L3MBTL4: variants seen among roughly 807,000 people sequenced by gnomAD.
L3MBTL4 encodes the protein lethal(3)malignant brain tumor-like protein 4.
A neutral mutation model predicts 84.5 loss-of-function variants in L3MBTL4; 70 were observed. The ratio of observed to expected loss-of-function variants is 0.83; its 90% CI spans 0.68 to 1.01. L3MBTL4 has a LOEUF of 1.01. Among genes scored for constraint, L3MBTL4 ranks in the 50% least tolerant of loss-of-function variants. The pLI, the probability that L3MBTL4 is intolerant of heterozygous loss-of-function variation, is 0.00. For synonymous variants in L3MBTL4, 274 were observed against 259.8 expected (o/e 1.05, Z -0.52); for missense variants, 715 against 754.8 (o/e 0.95, Z 0.62).
chr18:6,345,975 T>C (rs115004423), intron 1 of L3MBTL4, among the ~76,000 whole-genome samples: 29,719 of 151,458 alleles, frequency 0.2, 3,674 homozygotes, highest in African/African-American at 0.36. Flanking sequence ...AAAACAGATA[T>C]ATAGACCAAC....
chr18:6,367,834 C>A (rs944244744), intron 1 of L3MBTL4, among the ~76,000 whole-genome samples: 10 of 152,188 alleles, frequency 6.6e-5, no homozygotes, highest in Non-Finnish European at 4.4e-5. Context: ...GCTTTACTTA[C>A]AAGATACGGA....
chr18:6,135,436 T>C (rs1332768684), intron 14 of L3MBTL4, among the ~76,000 whole-genome samples: 1 of 152,196 alleles, frequency 6.6e-6, no homozygotes, highest in African/African-American at 2.4e-5. Flanking sequence ...GGCTGCAAAT[T>C]TTCTGAACTT....
intron 16 of L3MBTL4, among the ~76,000 whole-genome samples, chr18:5,996,417 G>A (rs1037026477): frequency 1.3e-5 from 2 of 152,234 alleles, no homozygotes; most frequent in African/African-American, 4.8e-5. Context: ...CTGGCAGTGA[G>A]CTGTACGTTT....
At chr18:6,362,476 C>G (rs1454141756) in intron 1 of L3MBTL4, among the ~76,000 whole-genome samples, 2 of 152,214 alleles carry the variant, frequency 1.3e-5, no homozygotes, top group Non-Finnish European at 2.9e-5. Context: ...AAAACTGCTC[C>G]TTCCCCAGCC....
intron 17 of L3MBTL4, among the ~76,000 whole-genome samples, chr18:5,963,449 G>A (rs186187859): frequency 6.8e-4 from 103 of 152,294 alleles, no homozygotes; most frequent in African/African-American, 2.2e-3. Context: ...GCCCTGCCCC[G>A]TGGTGGCCTC....
intron 7 of L3MBTL4, among the ~76,000 whole-genome samples, chr18:6,242,166 G>C (rs1238715497): frequency 1.3e-5 from 2 of 152,040 alleles, no homozygotes; most frequent in Non-Finnish European, 2.9e-5. Flanking sequence ...CACCCTCTTC[G>C]TCCCCGACCT....
intron 16 of L3MBTL4, among the ~76,000 whole-genome samples, chr18:5,987,902 A>C (rs1191012953): frequency 1.3e-5 from 2 of 151,462 alleles, no homozygotes; most frequent in African/African-American, 4.9e-5. Flanking sequence ...AAAAAAAAAA[A>C]CTGGAAGAAA....
chr18:5,958,334 C>G (rs7230597), intron 18 of L3MBTL4, among the ~76,000 whole-genome samples: 56,176 of 151,948 alleles, frequency 0.37, 10,668 homozygotes, highest in East Asian at 0.49. Flanking sequence ...AAGGACTCAT[C>G]CATCTAGAGG....
intron 5 of L3MBTL4, among the ~76,000 whole-genome samples, chr18:6,246,358 G>T (rs2047666325): frequency 6.6e-6 from 1 of 152,000 alleles, no homozygotes; most frequent in South Asian, 2.1e-4. Flanking sequence ...TATTTTTACT[G>T]TAATATTTTC....
chr18:6,256,092 CAA>C (rs998522890), intron 5 of L3MBTL4, among the ~76,000 whole-genome samples: 4 of 152,178 alleles, frequency 2.6e-5, no homozygotes, highest in Non-Finnish European at 5.9e-5. Flanking sequence ...CTGGGTATCT[CAA>C]AGTTTCACAA....
intron 14 of L3MBTL4, among the ~76,000 whole-genome samples, chr18:6,105,396 G>A (rs556020963): frequency 6.6e-6 from 1 of 151,368 alleles, no homozygotes; most frequent in Non-Finnish European, 1.5e-5. Context: ...CACCATGTTG[G>A]CCAGGCTGGT....
At chr18:6,166,092 A>C (rs1568238028) in intron 13 of L3MBTL4, among the ~76,000 whole-genome samples, 2 of 152,246 alleles carry the variant, frequency 1.3e-5, no homozygotes, top group African/African-American at 4.8e-5. Flanking sequence ...AGGTCATTAC[A>C]TAATGGTAAA....
chr18:6,196,198 C>T (rs531491855), intron 12 of L3MBTL4, among the ~76,000 whole-genome samples: 8 of 146,638 alleles, frequency 5.5e-5, no homozygotes, highest in Non-Finnish European at 3.0e-5. Flanking sequence ...CGCTCTGTTG[C>T]CCAGGCTGTA....
At chr18:6,398,517 C>T (rs915817651) in intron 1 of L3MBTL4, among the ~76,000 whole-genome samples, 2 of 152,176 alleles carry the variant, frequency 1.3e-5, no homozygotes, top group African/African-American at 4.8e-5. Context: ...AGCTCATAAT[C>T]TGTTCTTTGC....
intron 14 of L3MBTL4, among the ~76,000 whole-genome samples, chr18:6,129,176 C>T (rs1033023945): frequency 6.6e-6 from 1 of 152,142 alleles, no homozygotes; most frequent in Non-Finnish European, 1.5e-5. Flanking sequence ...GTCAGACCAA[C>T]CGAACAAGAA....
intron 14 of L3MBTL4, among the ~76,000 whole-genome samples, chr18:6,126,993 C>T (rs1191761289): frequency 6.6e-6 from 1 of 152,180 alleles, no homozygotes; most frequent in Non-Finnish European, 1.5e-5. Context: ...GCACGTGTCA[C>T]TGAGGTGCTT....
At position 6,136,125 on chromosome 18, in the gene L3MBTL4, A is replaced by G. The variant is rs558769664; in HGVS notation, c.1199+2069T>C. On this transcript the variant is annotated intron_variant, in intron 14 of 18. Coordinates refer to ENST00000317931, the MANE Select transcript of L3MBTL4 (RefSeq NM_001330559.2). Reference sequence around the variant, plus strand: ...ACTTATTCACTATCACAAGAATAGCACGGGAAATACTGGGCCCCATGATTC... The same window carrying G: ...ACTTATTCACTATCACAAGAATAGCGCGGGAAATACTGGGCCCCATGATTC... 7.7e-4 allele frequency among the ~76,000 whole-genome samples: 118 copies of G among 152,304 alleles called. 1 individual carries two copies. The highest frequency in any genetic ancestry group is 2.6e-3 in the African/African-American group (108 of 41,568).
chr18:6,087,608 A>G (rs1446677399), intron 15 of L3MBTL4, among the ~76,000 whole-genome samples: 2 of 152,102 alleles, frequency 1.3e-5, no homozygotes, highest in East Asian at 3.9e-4. Flanking sequence ...TGTTTTGATC[A>G]CTACTTTCTT....
intron 13 of L3MBTL4, among the ~76,000 whole-genome samples, chr18:6,161,659 T>A (rs1351623451): frequency 6.6e-6 from 1 of 152,186 alleles, no homozygotes; most frequent in Non-Finnish European, 1.5e-5. Flanking sequence ...CCTACACTTG[T>A]GCCATTTTCA....
Sources: gnomAD v4.1 joint callset for allele counts (sites outside exome capture counted in the v4.1 genomes callset) on GRCh38, gnomAD v4.1.1 for gene constraint, MANE v1.5 for transcripts, NCBI Gene and HGNC (gene_info 2026-07-23, HGNC 2026-07-21) for gene names.